The following ZNF618 variants were observed in gnomAD, a reference collection of about 807,000 sequenced individuals.
The protein encoded by ZNF618 is zinc finger protein 618, also known as neural precursor cell expressed, developmentally down-regulated 10.
A neutral mutation model predicts 103.0 loss-of-function variants in ZNF618; 34 were observed. That is an observed-to-expected ratio of 0.33 (90% CI 0.25 to 0.44). The LOEUF is 0.44. Ranked by LOEUF, ZNF618 falls within the 20% of genes least tolerant of loss-of-function variation. The probability of loss-of-function intolerance (pLI) is 1.00; values close to 1 mark genes in which losing one functional copy is unlikely to be tolerated. For synonymous variants in ZNF618, 551 were observed against 542.2 expected, an observed-to-expected ratio of 1.02 and a Z score of -0.23; for missense variants, 1,059 against 1,295.4, an observed-to-expected ratio of 0.82 and a Z score of 2.80.
rs371352655 is a variant in ZNF618 at position 113,919,436 on chromosome 9, G to A, written c.33+43023G>A. 2.2e-4 allele frequency among the ~76,000 whole-genome samples: 34 copies of A among 152,362 alleles called. No individual in the cohort carries two copies. In the East Asian group the frequency reaches 4.6e-3, roughly 21 times the overall value. On this transcript the variant is annotated intron_variant, in intron 1 of 14. Transcript: ENST00000374126. ...AGCCACATTGGCTTTGAGAAAGCCT[G>A]TGATAATCAGATTTTTATTTATGAG...
chr9:114,003,274 A>G (rs546339878), intron 6 of ZNF618, among the ~76,000 whole-genome samples: 1 of 152,358 alleles, frequency 6.6e-6, no homozygotes, highest in Non-Finnish European at 1.5e-5. Flanking sequence ...CTAGGCCCCA[A>G]GCGCCTGGTA....
intron 3 of ZNF618, among the ~76,000 whole-genome samples, chr9:113,996,313 T>G (rs1840588722): frequency 6.6e-6 from 1 of 152,206 alleles, no homozygotes; most frequent in South Asian, 2.1e-4. Flanking sequence ...GGACTGTCCA[T>G]TGTAAGGAAC....
intron 13 of ZNF618, among the ~76,000 whole-genome samples, chr9:114,040,141 A>G (rs1313207628): frequency 6.6e-6 from 1 of 150,940 alleles, no homozygotes; most frequent in African/African-American, 2.4e-5. Context: ...TCTAAGTCCT[A>G]TGGAAGGGCA....
chr9:113,957,007 T>A (rs1836371032), intron 1 of ZNF618, among the ~76,000 whole-genome samples: 1 of 152,076 alleles, frequency 6.6e-6, no homozygotes, highest in South Asian at 2.1e-4. Context: ...AGAAACTGAG[T>A]CACAAAGGTT....
At chr9:113,972,343 C>G (rs1838050178) in intron 2 of ZNF618, among the ~76,000 whole-genome samples, 1 of 152,110 alleles carries the variant, frequency 6.6e-6, no homozygotes, top group African/African-American at 2.4e-5. Flanking sequence ...GCCACCATGC[C>G]CACCCTTTAT....
chr9:113,933,190 T>A (rs1217889815), intron 1 of ZNF618, among the ~76,000 whole-genome samples: 2 of 152,054 alleles, frequency 1.3e-5, no homozygotes, highest in Non-Finnish European at 2.9e-5. Flanking sequence ...GCTGGCTAAT[T>A]TGAGAGGAAT....
intron 10 of ZNF618, among the ~76,000 whole-genome samples, chr9:114,023,442 A>G (rs965775004): frequency 2.8e-4 from 42 of 152,094 alleles, no homozygotes; most frequent in African/African-American, 9.7e-4. Context: ...TTTATCATAC[A>G]TTTATGCCTA....
chr9:114,035,175 T>G (rs1192634074), intron 12 of ZNF618: 1 of 985,862 alleles, frequency 1.0e-6, no homozygotes, highest in Non-Finnish European at 1.2e-6. Flanking sequence ...ATGGCTAAAC[T>G]GTTTCTCTTT....
At chr9:113,966,553 ACCGG>A (rs1419060655) in intron 1 of ZNF618, among the ~76,000 whole-genome samples, 3 of 152,190 alleles carry the variant, frequency 2.0e-5, no homozygotes. Flanking sequence ...GACAGACCAC[ACCGG>A]CCTGGCGTGT....
At chr9:113,983,551 C>T (rs2133184378) in intron 2 of ZNF618, among the ~76,000 whole-genome samples, 1 of 152,252 alleles carries the variant, frequency 6.6e-6, no homozygotes, top group Non-Finnish European at 1.5e-5. Flanking sequence ...AGGAATCTGG[C>T]TGGTCACGCA....
intron 9 of ZNF618, 22 bp downstream of exon 9, chr9:114,008,576 G>C: frequency 6.2e-7 from 1 of 1,612,734 alleles, no homozygotes; most frequent in Middle Eastern, 1.7e-4. Context: ...TCCCTCTGGG[G>C]CCAAGGGCTG....
intron 3 of ZNF618, among the ~76,000 whole-genome samples, chr9:113,992,560 G>A (rs966607865): frequency 9.9e-5 from 15 of 152,110 alleles, no homozygotes; most frequent in African/African-American, 2.9e-4. Flanking sequence ...GGGAGTGCTG[G>A]GTGCTGTGGT....
chr9:114,041,677 C>T (rs1162799051), intron 13 of ZNF618, among the ~76,000 whole-genome samples: 1 of 152,104 alleles, frequency 6.6e-6, no homozygotes, highest in Non-Finnish European at 1.5e-5. Flanking sequence ...TGTTCTGTTC[C>T]ATTGGTCTAT....
chr9:113,884,492 A>G (rs1828864118), intron 1 of ZNF618, among the ~76,000 whole-genome samples: 1 of 152,246 alleles, frequency 6.6e-6, no homozygotes, highest in South Asian at 2.1e-4. Context: ...CACTTGCAGC[A>G]TGTTATTTGT....
rs149444383 is a variant in ZNF618 at position 114,027,363 on chromosome 9, G to A, written c.845-1370G>A. Among the ~76,000 whole-genome samples the A allele has an allele frequency of 1.7e-3, 264 of 152,300 alleles. 2 individuals are homozygous for A. Among genetic ancestry groups the A allele is most frequent in the African/African-American group, 6.2e-3 (258 of 41,572 alleles). On this transcript the variant is annotated intron_variant, in intron 10 of 14. Transcript: ENST00000374126. ...TTCTGGGGCTGGGGCGGACAGATGA[G>A]GGCTTGTTTAAGTGGGGCATGACTA...
rs113613274 is a variant in ZNF618 at position 113,956,190 on chromosome 9, C to T, written c.34-12927C>T. Among the ~76,000 whole-genome samples, 935 of 108,810 alleles carry T rather than the reference C, an allele frequency of 8.6e-3. 15 individuals are homozygous for T. The highest frequency in any genetic ancestry group is 0.031 in the African/African-American group (861 of 27,734). 71.4% of individuals were successfully genotyped at this position (108,810 alleles called of 152,430 possible). ...TGCCACTGCACACCAGCCTGGGCAA[C>T]GAGAGTTAAACTCTGTCTCAAAAAA... On this transcript the variant is annotated intron_variant, in intron 1 of 14. Transcript: ENST00000374126.
chr9:113,935,981 G>C (rs1833998199), intron 1 of ZNF618, among the ~76,000 whole-genome samples: 1 of 152,032 alleles, frequency 6.6e-6, no homozygotes, highest in African/African-American at 2.4e-5. Flanking sequence ...TTGAGATAGG[G>C]TCTCACTCTG....
At chr9:114,036,171 G>C (rs993023196) in intron 12 of ZNF618, 129 bp from the exon 13 acceptor site, 10 of 761,762 alleles carry the variant, frequency 1.3e-5, no homozygotes, top group Non-Finnish European at 2.2e-5. Context: ...CAGGCAGGCT[G>C]GGCCCGGAGC....
chr9:114,032,459 T>G (rs971668865), intron 11 of ZNF618, among the ~76,000 whole-genome samples, 186 bp from the exon 12 acceptor site: 12 of 152,076 alleles, frequency 7.9e-5, no homozygotes, highest in African/African-American at 2.7e-4. Flanking sequence ...GAGGGTCTCT[T>G]GGGGCCCTGC....
Sources: allele counts gnomAD v4.1 joint callset (sites outside exome capture counted in the v4.1 genomes callset), GRCh38; gene constraint gnomAD v4.1.1; transcripts MANE v1.5; gene names NCBI Gene and HGNC (gene_info 2026-07-23, HGNC 2026-07-21).